The following RAD51B variants were observed in gnomAD, a reference collection of about 807,000 sequenced individuals.
RAD51B encodes DNA repair protein RAD51 homolog 2.
RAD51B carries 38 observed loss-of-function variants against 42.2 expected under a neutral mutation model. The observed-to-expected ratio is 0.90, with a 90% CI of 0.70 to 1.18. RAD51B has a LOEUF of 1.18. Among genes scored for constraint, RAD51B ranks in the 50% most tolerant of loss-of-function variants. The pLI is 0.00. For missense variants in RAD51B, 373 were observed against 400.7 expected (o/e 0.93, Z 0.59); for synonymous variants, 154 against 145.2 (o/e 1.06, Z -0.43).
At chr14:68,606,512 C>T (rs933504511) in intron 10 of RAD51B, among the ~76,000 whole-genome samples, 1 of 152,250 alleles carries the variant, frequency 6.6e-6, no homozygotes, top group Middle Eastern at 3.4e-3. Flanking sequence ...ATTATGTTGA[C>T]TTTTTTTCCT....
chr14:68,464,393 GAACAT>G (rs1402760660), intron 9 of RAD51B, among the ~76,000 whole-genome samples: 1 of 152,128 alleles, frequency 6.6e-6, no homozygotes, highest in Non-Finnish European at 1.5e-5. Flanking sequence ...TATACTCATT[GAACAT>G]AACATATTTT....
At chr14:68,176,990 T>G (rs2078974285) in intron 7 of RAD51B, among the ~76,000 whole-genome samples, 1 of 152,142 alleles carries the variant, frequency 6.6e-6, no homozygotes, top group Non-Finnish European at 1.5e-5. Context: ...TGTCATCAAA[T>G]TTGCCATCCA....
At position 68,246,617 on chromosome 14, in the gene RAD51B, A is replaced by G. The variant is rs373188116; in HGVS notation, c.757-45267A>G. On this transcript the variant is annotated intron_variant, in intron 7 of 10. Coordinates refer to ENST00000471583, the MANE Select transcript of RAD51B (RefSeq NM_133510.4). ...TCTTCTTTACTGGCAATCATGTTCCAAGTTTAATCTCTCCTCAGTGTGACT... is the reference window on the plus strand; with the variant it reads ...TCTTCTTTACTGGCAATCATGTTCCGAGTTTAATCTCTCCTCAGTGTGACT... Among the ~76,000 whole-genome samples the G allele has an allele frequency of 3.9e-5, 6 of 152,322 alleles. No individual in the cohort carries two copies. The East Asian group carries it at 1.2e-3, about 29-fold the overall frequency.
chr14:67,959,267 G>C (rs1294503068), intron 7 of RAD51B, among the ~76,000 whole-genome samples: 2 of 150,182 alleles, frequency 1.3e-5, no homozygotes, highest in Non-Finnish European at 3.0e-5. Context: ...TTTTTTTTGA[G>C]ACAGAGTCTT....
chr14:68,392,442 G>T (rs1184121537), intron 8 of RAD51B, among the ~76,000 whole-genome samples: 1 of 152,120 alleles, frequency 6.6e-6, no homozygotes, highest in Non-Finnish European at 1.5e-5. Context: ...CCTGCTCCCT[G>T]CCTGTCTCCA....
chr14:68,336,086 T>G (rs1001428390), intron 8 of RAD51B, among the ~76,000 whole-genome samples: 36 of 152,246 alleles, frequency 2.4e-4, no homozygotes, highest in Non-Finnish European at 2.9e-5. Flanking sequence ...ATAATAATAG[T>G]ACCTATTTCA....
intron 4 of RAD51B, among the ~76,000 whole-genome samples, chr14:67,847,669 A>T (rs1278134365): frequency 2.6e-5 from 4 of 152,160 alleles, no homozygotes; most frequent in Non-Finnish European, 5.9e-5. Flanking sequence ...GATTTTTAAA[A>T]AAATTTATTG....
intron 7 of RAD51B, among the ~76,000 whole-genome samples, chr14:67,970,971 T>A (rs1195108256): frequency 6.6e-6 from 1 of 152,156 alleles, no homozygotes; most frequent in African/African-American, 2.4e-5. Flanking sequence ...CAGCAGTGTT[T>A]GCTGTATATT....
chr14:68,634,213 C>T (rs1234113389), intron 10 of RAD51B, among the ~76,000 whole-genome samples: 1 of 152,206 alleles, frequency 6.6e-6, no homozygotes, highest in African/African-American at 2.4e-5. Context: ...GAGGATTCAA[C>T]AAGGTAATCA....
At chr14:68,185,606 A>C (rs1487970115) in intron 7 of RAD51B, among the ~76,000 whole-genome samples, 1 of 151,534 alleles carries the variant, frequency 6.6e-6, no homozygotes, top group African/African-American at 2.4e-5. Context: ...AGGCTTGCCT[A>C]TGGTCCCCAA....
intron 9 of RAD51B, chr14:68,421,712 C>T: frequency 6.3e-7 from 1 of 1,587,564 alleles, no homozygotes; most frequent in Non-Finnish European, 8.6e-7. Context: ...TCGAGTTGTC[C>T]ACAGTCAGCA....
intron 7 of RAD51B, among the ~76,000 whole-genome samples, chr14:68,266,431 C>T (rs962705203): frequency 9.2e-5 from 14 of 152,152 alleles, no homozygotes; most frequent in African/African-American, 3.1e-4. Context: ...TAGGACCCCT[C>T]TGGAATGAAG....
chr14:67,821,857 T>C (rs910159914), intron 1 of RAD51B, among the ~76,000 whole-genome samples: 19 of 152,176 alleles, frequency 1.2e-4, no homozygotes, highest in Non-Finnish European at 2.2e-4. Context: ...GAAAAGACAC[T>C]AGGCAATATT....
chr14:68,075,078 G>C (rs34558039), intron 7 of RAD51B, among the ~76,000 whole-genome samples: 16,151 of 152,246 alleles, frequency 0.11, 1,145 homozygotes, highest in Middle Eastern at 0.27. Context: ...CGATGGCAGA[G>C]AGCCTTTCAC....
At chr14:68,603,111 G>T (rs1891291615) in intron 10 of RAD51B, among the ~76,000 whole-genome samples, 1 of 152,148 alleles carries the variant, frequency 6.6e-6, no homozygotes, top group Non-Finnish European at 1.5e-5. Context: ...TCCCTCTAGT[G>T]TCTCAAGGCC....
At chr14:67,901,585 G>T (rs965930749) in intron 7 of RAD51B, among the ~76,000 whole-genome samples, 1 of 152,136 alleles carries the variant, frequency 6.6e-6, no homozygotes, top group African/African-American at 2.4e-5. Flanking sequence ...ACACTCTGAA[G>T]ATTAAACATT....
intron 10 of RAD51B, among the ~76,000 whole-genome samples, chr14:68,607,607 A>T (rs774325620): frequency 5.8e-4 from 89 of 152,166 alleles, no homozygotes; most frequent in Non-Finnish European, 6.3e-4. Flanking sequence ...TTTGTTTTTA[A>T]GTCAAGTTAC....
intron 10 of RAD51B, among the ~76,000 whole-genome samples, chr14:68,628,614 T>A (rs1892151737): frequency 6.6e-6 from 1 of 151,064 alleles, no homozygotes; most frequent in Admixed American, 6.6e-5. Context: ...GGGCTGGGGG[T>A]GGCCGGCGCG....
chr14:68,572,282 C>T (rs1889746127), intron 10 of RAD51B, among the ~76,000 whole-genome samples: 2 of 152,248 alleles, frequency 1.3e-5, no homozygotes, highest in Non-Finnish European at 2.9e-5. Flanking sequence ...TCAGTCTCTC[C>T]CAGGCATCAG....
Sources: allele counts gnomAD v4.1 joint callset (sites outside exome capture counted in the v4.1 genomes callset), GRCh38; gene constraint gnomAD v4.1.1; transcripts MANE v1.5; gene names NCBI Gene and HGNC (gene_info 2026-07-23, HGNC 2026-07-21).